The following ITPKC variants were observed in gnomAD, a reference collection of about 807,000 sequenced individuals.
ITPKC encodes inositol-trisphosphate 3-kinase C.
In ITPKC, 33 loss-of-function variants were observed where a neutral mutation model predicts 67.1. That is an observed-to-expected ratio of 0.49 (90% CI 0.37 to 0.66). ITPKC has a LOEUF of 0.66. ITPKC is among the 30% of genes least tolerant of loss of function. ITPKC has a pLI of 0.00. For missense variants in ITPKC, 820 were observed against 892.1 expected (o/e 0.92, Z 1.03); for synonymous variants, 341 against 359.8 (o/e 0.95, Z 0.59).
chr19:40,733,550 C>T (rs960214961), intron 4 of ITPKC, among the ~76,000 whole-genome samples, 186 bp downstream of exon 4: 6 of 152,152 alleles, frequency 3.9e-5, no homozygotes, highest in African/African-American at 1.4e-4. Context: ...ATCCGTCTGC[C>T]TGAGCATCTC....
At chr19:40,737,357 G>A (rs1055230955) in intron 5 of ITPKC, among the ~76,000 whole-genome samples, 4 of 152,360 alleles carry the variant, frequency 2.6e-5, no homozygotes, top group Middle Eastern at 3.4e-3. Flanking sequence ...GGGGCCAAGA[G>A]AACAAGTAAA....
intron 6 of ITPKC, among the ~76,000 whole-genome samples, chr19:40,738,208 C>G (rs942991619): frequency 6.6e-6 from 1 of 152,122 alleles, no homozygotes; most frequent in African/African-American, 2.4e-5. Flanking sequence ...GTGAGCAGAT[C>G]ACGAGGTCAG....
chr19:40,730,060 C>A (rs995172608), intron 3 of ITPKC, among the ~76,000 whole-genome samples: 1 of 152,084 alleles, frequency 6.6e-6, no homozygotes, highest in Admixed American at 6.5e-5. Context: ...CCTGTGTAAA[C>A]CAAGTAGCTA....
In ITPKC at chr19:40,717,365, G is replaced by T; in HGVS notation, c.230G>T (p.Gly77Val). The T allele has an allele frequency of 6.2e-7, 1 of 1,612,362 alleles. No individual in the cohort carries two copies. Among genetic ancestry groups the T allele is most frequent in the Non-Finnish European group, 8.5e-7 (1 of 1,179,804 alleles). ...LHSEPERAGL[G>V]PAPGTESPQA... is the part of the protein sequence containing the mutation. ...AGCGAGCCTGAGAGGGCCGGCCTCG[G>T]GCCTGCGCCGGGGACAGAGAGTCCG... The change falls in exon 1 of 7, where the codon GGG becomes GTG. Residue 77 changes from glycine (G) to valine (V), a missense_variant. Gly to Val is a moderately radical substitution (Grantham distance 109). Coordinates refer to ENST00000263370, the MANE Select transcript of ITPKC (RefSeq NM_025194.3).
intron 3 of ITPKC, among the ~76,000 whole-genome samples, chr19:40,732,958 G>C (rs1376532361): frequency 6.6e-6 from 1 of 152,154 alleles, no homozygotes; most frequent in East Asian, 1.9e-4. Context: ...TTATTGAAAA[G>C]ACTTCCCTTT....
intron 2 of ITPKC, among the ~76,000 whole-genome samples, chr19:40,726,871 G>T (rs1392055248): frequency 6.6e-6 from 1 of 152,000 alleles, no homozygotes; most frequent in Non-Finnish European, 1.5e-5. Context: ...GTGAGACCTT[G>T]TCTCTACGAA....
At chr19:40,739,040 ATTGT>A (rs1288428141) in intron 6 of ITPKC, among the ~76,000 whole-genome samples, 4 of 152,172 alleles carry the variant, frequency 2.6e-5, no homozygotes, top group South Asian at 4.1e-4. Flanking sequence ...AAACTTACAC[ATTGT>A]TTGTTTCTGG....
chr19:40,739,729 G>A lies in ITPKC; in HGVS notation c.*169G>A, dbSNP rs186325489. 141 of 615,678 alleles carry A rather than the reference G, an allele frequency of 2.3e-4. No homozygotes were observed. The Admixed American group carries it at 4.0e-3, about 18-fold the overall frequency. 38.1% of individuals were successfully genotyped at this position (615,678 alleles called of 1,614,324 possible). On this transcript the variant is annotated 3_prime_UTR_variant, in exon 7 of 7. Transcript: ENST00000263370. ...CGTGGAAAAGTCTGAAGGGCCTTGG[G>A]AGACCAGGTAGCACCTGGCCCCATC...
intron 1 of ITPKC, among the ~76,000 whole-genome samples, chr19:40,720,679 C>T (rs934586991): frequency 2.0e-5 from 3 of 152,076 alleles, no homozygotes; most frequent in Admixed American, 2.0e-4. Context: ...GGTCTCCAGG[C>T]GCCTTCCCAG....
chr19:40,718,003 G>A lies in ITPKC; in HGVS notation c.868G>A (p.Gly290Arg). ...CACTGACGGTTCCCAGACAGCACCT[G>A]GGACAGACTGCCTCTTGGGAGAGCC... ...PSTDGSQTAPGTDCLLGEPED... is the reference protein window; with the variant it reads ...PSTDGSQTAPRTDCLLGEPED... Residue 290 changes from glycine to arginine, a missense_variant, in exon 1 of 7, where the codon GGG (glycine) becomes AGG (arginine). This residue lies in a region of ITPKC where 481 missense variants were observed against 470.1 expected (regional missense o/e 1.02). Transcript: ENST00000263370. 1 of 1,614,210 alleles carries A rather than the reference G, an allele frequency of 6.2e-7. No homozygotes were observed.
In ITPKC at chr19:40,717,931, G is replaced by A. The variant is rs182643309; in HGVS notation, c.796G>A (p.Gly266Ser). 9.1e-5 allele frequency: 147 copies of A among 1,614,136 alleles called. No homozygotes were observed. In the East Asian group the frequency reaches 2.6e-3, roughly 29 times the overall value. The change falls in exon 1 of 7, where the codon GGT (glycine) becomes AGT (serine). Residue 266 changes from glycine to serine, a missense_variant. Around this residue, in one of 2 missense-constraint regions of ITPKC, gnomAD observed 481 missense variants for 470.1 expected, o/e 1.02. Transcript: ENST00000263370. ...EAARKQPGTGGFQIQQDTDGS... is the reference protein window; with the variant it reads ...EAARKQPGTGSFQIQQDTDGS... ...AGCCAGGAAACAGCCTGGCACTGGT[G>A]GTTTCCAAATACAACAGGATACTGA...
chr19:40,736,078 T>C (rs2082293011), intron 4 of ITPKC, among the ~76,000 whole-genome samples: 1 of 151,926 alleles, frequency 6.6e-6, no homozygotes, highest in African/African-American at 2.4e-5. Context: ...GAGCATGAGG[T>C]CAGGAGATCG....
chr19:40,736,771 C>A (rs1173950379), intron 4 of ITPKC, among the ~76,000 whole-genome samples: 1 of 151,866 alleles, frequency 6.6e-6, no homozygotes, highest in African/African-American at 2.4e-5. Context: ...TCCCAAAGCA[C>A]TGGGATTATA....
At chr19:40,730,722 A>C (rs2082267055) in intron 3 of ITPKC, among the ~76,000 whole-genome samples, 1 of 152,072 alleles carries the variant, frequency 6.6e-6, no homozygotes, top group African/African-American at 2.4e-5. Flanking sequence ...ATACTATCAC[A>C]CCTAGCTAAT....
intron 3 of ITPKC, among the ~76,000 whole-genome samples, chr19:40,731,569 C>T (rs71358929): frequency 6.9e-6 from 1 of 144,548 alleles, no homozygotes; most frequent in African/African-American, 2.6e-5. Context: ...GGTCAGCTAT[C>T]TGGAAGCTCC....
In ITPKC at chr19:40,717,960, C is replaced by T. The variant is rs374065986; in HGVS notation, c.825C>T (p.Gly275=). 6.2e-7 allele frequency: 1 copy of T among 1,614,064 alleles called. No individual in the cohort carries two copies. Among genetic ancestry groups the T allele is most frequent in the African/African-American group, 1.3e-5 (1 of 74,914 alleles). Residue 275 remains glycine, a synonymous_variant, in exon 1 of 7, where the codon GGC becomes GGT. Coordinates refer to ENST00000263370, the MANE Select transcript of ITPKC (RefSeq NM_025194.3). ...GGFQIQQDTD[G]SWTQPSTDGS... is the part of the protein sequence containing the mutation. ...TCCAAATACAACAGGATACTGATGG[C>T]TCCTGGACACAACCTAGCACTGACG...
At chr19:40,736,542 C>T (rs914388437) in intron 4 of ITPKC, among the ~76,000 whole-genome samples, 32 of 152,048 alleles carry the variant, frequency 2.1e-4, no homozygotes, top group African/African-American at 7.0e-4. Context: ...CTTGTTCTGT[C>T]ACCCAGGCTC....
chr19:40,733,461 G>A (rs929039950), intron 4 of ITPKC, 97 bp downstream of exon 4: 26 of 1,151,450 alleles, frequency 2.3e-5, no homozygotes, highest in South Asian at 6.1e-5. Flanking sequence ...TGCAGGAGAC[G>A]GCGTGGGATG....
chr19:40,738,244 C>T (rs143278392), intron 6 of ITPKC, among the ~76,000 whole-genome samples: 146 of 152,144 alleles, frequency 9.6e-4, no homozygotes, highest in Non-Finnish European at 1.5e-3. Flanking sequence ...CTGGCTAACA[C>T]AGTGAAACCC....
Sources: allele counts gnomAD v4.1 joint callset (sites outside exome capture counted in the v4.1 genomes callset), GRCh38; gene constraint gnomAD v4.1.1; regional missense constraint gnomAD v4.1.1; transcripts MANE v1.5; gene names NCBI Gene and HGNC (gene_info 2026-07-23, HGNC 2026-07-21).